BMP2K: variants seen among roughly 807,000 people sequenced by gnomAD.
The protein encoded by BMP2K is BMP-2-inducible protein kinase.
BMP2K carries 74 observed loss-of-function variants against 116.0 expected under a neutral mutation model. That is an observed-to-expected ratio of 0.64 (90% CI 0.53 to 0.77). The LOEUF (loss-of-function observed/expected upper bound fraction) is 0.77, where lower values mean the gene tolerates loss of function less well. Ranked by LOEUF, BMP2K falls within the 30% of genes least tolerant of loss-of-function variation. BMP2K has a pLI of 0.00. For missense variants in BMP2K, 1,365 were observed against 1,403.6 expected, an observed-to-expected ratio of 0.97 and a Z score of 0.44; for synonymous variants, 486 against 502.5, an observed-to-expected ratio of 0.97 and a Z score of 0.44.
In BMP2K at chr4:78,911,462, A is replaced by G; in HGVS notation, c.2915A>G (p.Gln972Arg). 14 of 1,614,066 alleles carry G rather than the reference A, an allele frequency of 8.7e-6. No individual in the cohort carries two copies. Among genetic ancestry groups the G allele is most frequent in the Non-Finnish European group, 1.2e-5 (14 of 1,179,904 alleles). Residue 972 changes from glutamine to arginine, a missense_variant, in exon 16 of 16, where the codon CAG becomes CGG. Gln to Arg is a conservative substitution (Grantham distance 43, BLOSUM62 1). Transcript: ENST00000502613. ...GGGAGCCAGCAGCAAAAAGTCAAAC[A>G]GCGCAGCTTACAGAAACTGTCCTCT... ...ITGSQQQKVK[Q>R]RSLQKLSSRQ...
At chr4:78,832,174 A>G (rs907457874) in intron 2 of BMP2K, among the ~76,000 whole-genome samples, 2 of 151,908 alleles carry the variant, frequency 1.3e-5, no homozygotes, top group African/African-American at 2.4e-5. Context: ...GCATGCATCT[A>G]TTTGCTTGAG....
chr4:78,842,648 C>T, intron 4 of BMP2K, 121 bp downstream of exon 4: 1 of 832,888 alleles, frequency 1.2e-6, no homozygotes, highest in Non-Finnish European at 1.7e-6. Flanking sequence ...TCCCCTTCTA[C>T]ATTTCCTGAG....
chr4:78,851,776 A>G (rs534632373), intron 7 of BMP2K, among the ~76,000 whole-genome samples: 1 of 152,242 alleles, frequency 6.6e-6, no homozygotes, highest in East Asian at 1.9e-4. Context: ...TATAAAAATA[A>G]ATGTACTTGA....
At chr4:78,816,748 T>C (rs1729371111) in intron 1 of BMP2K, among the ~76,000 whole-genome samples, 1 of 151,942 alleles carries the variant, frequency 6.6e-6, no homozygotes, top group Admixed American at 6.6e-5. Flanking sequence ...TAATAAAGCA[T>C]TTAAAAAATT....
At chr4:78,850,877 CTT>C in intron 6 of BMP2K, 45 bp from the exon 7 acceptor site, 1 of 1,587,072 alleles carries the variant, frequency 6.3e-7, no homozygotes, top group East Asian at 2.3e-5. Flanking sequence ...ATTTTTGTGT[CTT>C]GTTAACTTGA....
intron 14 of BMP2K, among the ~76,000 whole-genome samples, chr4:78,885,177 A>C (rs1442984832): frequency 2.0e-5 from 3 of 152,240 alleles, no homozygotes; most frequent in Non-Finnish European, 4.4e-5. Context: ...TGTTTCAACA[A>C]AATTTTAAGT....
At chr4:78,872,062 C>A in intron 12 of BMP2K, 114 bp downstream of exon 12, 2 of 784,616 alleles carry the variant, frequency 2.5e-6, no homozygotes, top group Non-Finnish European at 4.0e-6. Context: ...AGTTAATTGA[C>A]ATGTATTTTA....
intron 10 of BMP2K, among the ~76,000 whole-genome samples, chr4:78,870,206 T>C (rs904943015): frequency 1.3e-5 from 2 of 152,316 alleles, no homozygotes; most frequent in Middle Eastern, 3.4e-3. Flanking sequence ...TGAGCATTTA[T>C]TAATCATCTT....
At chr4:78,836,099 T>C (rs998932130) in intron 3 of BMP2K, among the ~76,000 whole-genome samples, 2 of 152,118 alleles carry the variant, frequency 1.3e-5, no homozygotes, top group Non-Finnish European at 2.9e-5. Flanking sequence ...ATATTAATAT[T>C]TTAGTCCCGC....
rs1347280774 is a variant in BMP2K at position 78,842,509 on chromosome 4, A to G, written c.528A>G (p.Ile176Met). Reference sequence around the variant, plus strand: ...GGTTGCATCAGTGTAAGACTCCAATAATTCACCGGGATCTGAAGGTAAGAA... The same window carrying G: ...GGTTGCATCAGTGTAAGACTCCAATGATTCACCGGGATCTGAAGGTAAGAA... ...VARLHQCKTP[I>M]IHRDLKVENI... Residue 176 changes from isoleucine (I) to methionine (M), a missense_variant, in exon 4 of 16, where the codon ATA becomes ATG. Transcript: ENST00000502613. 1.3e-6 allele frequency: 2 copies of G among 1,582,224 alleles called. No individual in the cohort carries two copies. The highest frequency in any genetic ancestry group is 4.5e-5 in the East Asian group (2 of 44,436).
chr4:78,790,383 GT>G (rs1389384710), intron 1 of BMP2K, among the ~76,000 whole-genome samples: 3 of 152,056 alleles, frequency 2.0e-5, no homozygotes, highest in Non-Finnish European at 4.4e-5. Context: ...AAAGCTTATT[GT>G]TTTCTTACAT....
intron 3 of BMP2K, 58 bp downstream of exon 3, chr4:78,833,745 A>T: frequency 8.6e-7 from 1 of 1,157,134 alleles, no homozygotes; most frequent in Non-Finnish European, 1.3e-6. Flanking sequence ...ATGGGTTACT[A>T]GGTATCTTTG....
At chr4:78,804,054 A>G (rs1414459180) in intron 1 of BMP2K, among the ~76,000 whole-genome samples, 1 of 152,198 alleles carries the variant, frequency 6.6e-6, no homozygotes, top group Non-Finnish European at 1.5e-5. Flanking sequence ...AAACACCACC[A>G]CTAATTCTAG....
chr4:78,795,043 C>T (rs1364275658), intron 1 of BMP2K, among the ~76,000 whole-genome samples: 2 of 152,308 alleles, frequency 1.3e-5, no homozygotes, highest in East Asian at 3.9e-4. Flanking sequence ...TCAAAAAAGA[C>T]TTCCTAAAAC....
intron 4 of BMP2K, among the ~76,000 whole-genome samples, chr4:78,843,604 A>G (rs1730862165): frequency 2.0e-5 from 3 of 151,976 alleles, no homozygotes; most frequent in Non-Finnish European, 2.9e-5. Flanking sequence ...CACTAAAAAT[A>G]TAGGCTGTTA....
intron 7 of BMP2K, among the ~76,000 whole-genome samples, chr4:78,851,890 A>T (rs1432480057): frequency 6.6e-6 from 1 of 152,158 alleles, no homozygotes. Context: ...CCATTGCCAT[A>T]TAACTTTAAA....
chr4:78,881,929 G>T (rs944191640), intron 14 of BMP2K, among the ~76,000 whole-genome samples: 9 of 151,828 alleles, frequency 5.9e-5, no homozygotes, highest in South Asian at 2.1e-4. Context: ...CTTGACACAG[G>T]TATTAACAAT....
chr4:78,887,327 C>A, intron 15 of BMP2K, 43 bp downstream of exon 15: 1 of 1,384,254 alleles, frequency 7.2e-7, no homozygotes, highest in Non-Finnish European at 1.0e-6. Flanking sequence ...AAATAAAACA[C>A]ACAAGAACAA....
At chr4:78,879,362 T>C in intron 14 of BMP2K, 1 of 986,644 alleles carries the variant, frequency 1.0e-6, no homozygotes, top group Non-Finnish European at 1.2e-6. Flanking sequence ...GTCCTTTTAA[T>C]GAGTGGTGAC....
Sources: gnomAD v4.1 joint callset for allele counts (sites outside exome capture counted in the v4.1 genomes callset) on GRCh38, gnomAD v4.1.1 for gene constraint, MANE v1.5 for transcripts, NCBI Gene and HGNC (gene_info 2026-07-23, HGNC 2026-07-21) for gene names.